The following SAMD5 variants were observed in gnomAD, a reference collection of about 807,000 sequenced individuals.
SAMD5 encodes sterile alpha motif domain containing 5.
Under a neutral mutation model 11.3 loss-of-function variants are expected in SAMD5, and 13 were observed. The observed-to-expected ratio is 1.15, with a 90% CI of 0.75 to 1.83. The LOEUF is 1.83. Among genes scored for constraint, SAMD5 ranks in the 40% most tolerant of loss-of-function variants. SAMD5 has a pLI of 0.00. For missense variants in SAMD5, 255 were observed against 239.1 expected (o/e 1.07, Z -0.44); for synonymous variants, 129 against 111.3 (o/e 1.16, Z -1.00).
intron 1 of SAMD5, among the ~76,000 whole-genome samples, chr6:147,539,363 T>C (rs1206888376): frequency 2.0e-5 from 3 of 152,212 alleles, no homozygotes; most frequent in African/African-American, 4.8e-5. Context: ...GATCCAGGTG[T>C]GCAAAGAGTC....
chr6:147,720,280 T>C (rs1791528759), intron 1 of SAMD5, among the ~76,000 whole-genome samples: 1 of 152,026 alleles, frequency 6.6e-6, no homozygotes, highest in African/African-American at 2.4e-5. Flanking sequence ...GCTAACATGG[T>C]GAAACCCCGT....
the SAMD5 span, among the ~76,000 whole-genome samples, chr6:147,784,912 T>G: frequency 4.6e-5 from 7 of 152,226 alleles, no homozygotes; most frequent in Non-Finnish European, 1.0e-4. Flanking sequence ...TAGTGAAAGC[T>G]TCCTTTTTAA....
At chr6:147,953,108 C>T in the SAMD5 span, among the ~76,000 whole-genome samples, 121,523 of 151,950 alleles carry the variant, frequency 0.8, 48,755 homozygotes, top group Middle Eastern at 0.91. Context: ...TAATACTAAG[C>T]GTCAAGATCT....
intron 1 of SAMD5, among the ~76,000 whole-genome samples, chr6:147,557,273 A>G (rs1022921371): frequency 2.6e-5 from 4 of 152,254 alleles, no homozygotes; most frequent in Non-Finnish European, 5.9e-5. Flanking sequence ...AAGGGATTAA[A>G]AAACATTTCT....
At chr6:147,924,021 T>G in the SAMD5 span, among the ~76,000 whole-genome samples, 10 of 152,332 alleles carry the variant, frequency 6.6e-5, no homozygotes, top group South Asian at 2.1e-3. Flanking sequence ...TCTGTGCTCC[T>G]TGCCAGTGGG....
At chr6:147,817,365 T>C in the SAMD5 span, among the ~76,000 whole-genome samples, 1 of 152,338 alleles carries the variant, frequency 6.6e-6, no homozygotes, top group Admixed American at 6.5e-5. Context: ...AACTTCCTGA[T>C]AGTGAAGGAA....
At chr6:147,649,985 AAAT>A (rs751772811) in intron 1 of SAMD5, among the ~76,000 whole-genome samples, 28 of 152,140 alleles carry the variant, frequency 1.8e-4, no homozygotes, top group Non-Finnish European at 3.5e-4. Flanking sequence ...GAGAGTGACA[AAAT>A]AATTTATTGC....
chr6:147,688,320 T>C (rs780569179), intron 1 of SAMD5, among the ~76,000 whole-genome samples: 4 of 152,184 alleles, frequency 2.6e-5, no homozygotes, highest in Non-Finnish European at 5.9e-5. Context: ...TCACCTAATA[T>C]TCTTGGTAAT....
intron 1 of SAMD5, among the ~76,000 whole-genome samples, chr6:147,611,074 GT>G (rs1418384185): frequency 6.6e-6 from 1 of 151,974 alleles, no homozygotes; most frequent in Non-Finnish European, 1.5e-5. Flanking sequence ...TTTTCACCAT[GT>G]TGGCCAGACT....
At chr6:147,531,883 GT>G (rs1392478421) in intron 1 of SAMD5, among the ~76,000 whole-genome samples, 1 of 152,044 alleles carries the variant, frequency 6.6e-6, no homozygotes, top group Non-Finnish European at 1.5e-5. Context: ...TCATCAAACA[GT>G]TTTAAAAAGG....
intron 1 of SAMD5, among the ~76,000 whole-genome samples, chr6:147,725,142 T>G (rs1297338384): frequency 6.6e-6 from 1 of 152,240 alleles, no homozygotes; most frequent in African/African-American, 2.4e-5. Context: ...TACTTTCAAA[T>G]GCAGCTTTTG....
chr6:147,736,595 C>T (rs1032869924), intron 1 of SAMD5, among the ~76,000 whole-genome samples: 1 of 152,146 alleles, frequency 6.6e-6, no homozygotes, highest in South Asian at 2.1e-4. Flanking sequence ...TTACTATATA[C>T]ATGTACCAAC....
At chr6:147,672,653 C>A (rs1176930416) in intron 1 of SAMD5, among the ~76,000 whole-genome samples, 1 of 151,896 alleles carries the variant, frequency 6.6e-6, no homozygotes, top group Non-Finnish European at 1.5e-5. Context: ...AATAGCCCCC[C>A]ACCCTTATCC....
intron 1 of SAMD5, among the ~76,000 whole-genome samples, chr6:147,563,523 C>A (rs1211857760): frequency 2.0e-5 from 3 of 152,208 alleles, no homozygotes; most frequent in Non-Finnish European, 2.9e-5. Flanking sequence ...ATCCTTCTTC[C>A]TTCCAACTTT....
intron 1 of SAMD5, among the ~76,000 whole-genome samples, chr6:147,609,236 T>G (rs1388200197): frequency 2.6e-5 from 4 of 152,154 alleles, no homozygotes; most frequent in Non-Finnish European, 4.4e-5. Flanking sequence ...ATGACTTGTG[T>G]CCTCATAAAA....
chr6:147,543,126 T>A (rs534990350), intron 1 of SAMD5, among the ~76,000 whole-genome samples: 2 of 152,292 alleles, frequency 1.3e-5, no homozygotes, highest in African/African-American at 4.8e-5. Flanking sequence ...CTATCCTAGT[T>A]TTTTTAAGCC....
intron 1 of SAMD5, among the ~76,000 whole-genome samples, chr6:147,720,753 T>G (rs1791539354): frequency 6.6e-6 from 1 of 151,776 alleles, no homozygotes; most frequent in Non-Finnish European, 1.5e-5. Flanking sequence ...AATGTGCAGG[T>G]TAGTTCCATA....
At chr6:147,664,962 T>C (rs1211825538) in intron 1 of SAMD5, among the ~76,000 whole-genome samples, 1 of 152,166 alleles carries the variant, frequency 6.6e-6, no homozygotes, top group Non-Finnish European at 1.5e-5. Flanking sequence ...AAAATTTACC[T>C]AGGTAGCAAT....
At chr6:147,913,764 A>C in the SAMD5 span, among the ~76,000 whole-genome samples, 8 of 152,244 alleles carry the variant, frequency 5.3e-5, no homozygotes, top group South Asian at 2.1e-4. Context: ...ATGGACTTGA[A>C]TTAGATGTAT....
Sources: gnomAD v4.1 joint callset for allele counts (sites outside exome capture counted in the v4.1 genomes callset) on GRCh38, gnomAD v4.1.1 for gene constraint, MANE v1.5 for transcripts, NCBI Gene and HGNC (gene_info 2026-07-23, HGNC 2026-07-21) for gene names.